NCAM2: variants seen among roughly 807,000 people sequenced by gnomAD.
The protein encoded by NCAM2 is neural cell adhesion molecule 2.
NCAM2 carries 30 observed loss-of-function variants against 98.1 expected under a neutral mutation model. That is an observed-to-expected ratio of 0.31 (90% CI 0.23 to 0.41). NCAM2 has a LOEUF of 0.41. NCAM2 is among the 10% of genes least tolerant of loss of function. NCAM2 has a pLI of 1.00. For missense variants in NCAM2, 867 were observed against 1,005.8 expected (o/e 0.86, Z 1.87); for synonymous variants, 368 against 342.4 (o/e 1.07, Z -0.83).
At chr21:21,226,334 T>G (rs374711264) in intron 1 of NCAM2, among the ~76,000 whole-genome samples, 3 of 152,016 alleles carry the variant, frequency 2.0e-5, no homozygotes, top group Admixed American at 1.3e-4. Context: ...TAAAATACTT[T>G]AGTTTTGGAT....
chr21:21,450,030 G>T (rs1980787311), intron 12 of NCAM2, among the ~76,000 whole-genome samples: 1 of 151,846 alleles, frequency 6.6e-6, no homozygotes, highest in Admixed American at 6.6e-5. Context: ...CTAATGCACT[G>T]CCTGATTTGC....
intron 11 of NCAM2, among the ~76,000 whole-genome samples, chr21:21,422,742 T>C (rs2077136453): frequency 6.6e-6 from 1 of 152,198 alleles, no homozygotes; most frequent in Middle Eastern, 3.2e-3. Flanking sequence ...TACGTATATA[T>C]TTTAAGACTT....
intron 12 of NCAM2, among the ~76,000 whole-genome samples, chr21:21,454,784 T>TA (rs1329479840): frequency 6.6e-6 from 1 of 151,970 alleles, no homozygotes; most frequent in Non-Finnish European, 1.5e-5. Context: ...GGCGGGCTTT[T>TA]AAAAAACCAG....
At chr21:21,328,180 G>T (rs959949474) in intron 6 of NCAM2, among the ~76,000 whole-genome samples, 3 of 151,948 alleles carry the variant, frequency 2.0e-5, no homozygotes, top group African/African-American at 7.3e-5. Context: ...TATTGACATC[G>T]CAGCCATCAT....
intron 8 of NCAM2, among the ~76,000 whole-genome samples, chr21:21,371,141 G>T (rs1220807302): frequency 3.3e-5 from 5 of 151,732 alleles, no homozygotes; most frequent in African/African-American, 1.2e-4. Context: ...GAACATTATT[G>T]CTAATAGTAA....
intron 14 of NCAM2, among the ~76,000 whole-genome samples, chr21:21,473,491 T>C (rs995836863): frequency 4.0e-5 from 6 of 150,752 alleles, no homozygotes; most frequent in Non-Finnish European, 8.9e-5. Flanking sequence ...GTCATGTAAA[T>C]ATGAATACCT....
At chr21:21,474,291 T>C (rs1984861630) in intron 14 of NCAM2, among the ~76,000 whole-genome samples, 1 of 152,102 alleles carries the variant, frequency 6.6e-6, no homozygotes, top group South Asian at 2.1e-4. Flanking sequence ...TTTGGTTTCT[T>C]ATACTATCAG....
intron 1 of NCAM2, among the ~76,000 whole-genome samples, chr21:21,251,960 A>G (rs542868468): frequency 6.6e-6 from 1 of 152,254 alleles, no homozygotes; most frequent in South Asian, 2.1e-4. Flanking sequence ...TGTTTTAATC[A>G]TGAAGTCATT....
chr21:21,422,991 T>C (rs2077141640), intron 11 of NCAM2, among the ~76,000 whole-genome samples: 1 of 152,162 alleles, frequency 6.6e-6, no homozygotes, highest in South Asian at 2.1e-4. Flanking sequence ...TTATTTCTTT[T>C]CTTAAAAAAT....
At chr21:21,528,898 A>T (rs1313823939) in intron 16 of NCAM2, among the ~76,000 whole-genome samples, 1 of 152,188 alleles carries the variant, frequency 6.6e-6, no homozygotes, top group South Asian at 2.1e-4. Context: ...ATATAATTAT[A>T]TAACTTCAAA....
chr21:21,149,054 C>G (rs544686610), intron 1 of NCAM2, among the ~76,000 whole-genome samples: 4 of 152,158 alleles, frequency 2.6e-5, no homozygotes, highest in African/African-American at 9.6e-5. Flanking sequence ...TTTCTGGACT[C>G]TGTTATGTTC....
At chr21:21,416,964 T>C (rs2077007175) in intron 10 of NCAM2, among the ~76,000 whole-genome samples, 1 of 152,020 alleles carries the variant, frequency 6.6e-6, no homozygotes, top group African/African-American at 2.4e-5. Context: ...TACAACATGA[T>C]AAAAGGTTGC....
At chr21:21,123,717 G>A (rs2066725095) in intron 1 of NCAM2, among the ~76,000 whole-genome samples, 1 of 151,902 alleles carries the variant, frequency 6.6e-6, no homozygotes, top group Non-Finnish European at 1.5e-5. Context: ...TATAAATTAG[G>A]TATTTATATT....
In NCAM2 at chr21:21,454,194, A is replaced by G. The variant is rs76267915; in HGVS notation, c.1655-12412A>G. Reference sequence around the variant, plus strand: ...TAAATTTTTCATGCATTAAACAACTAAAGCCTACAGTGTGCCAAGGCACTG... The same window carrying G: ...TAAATTTTTCATGCATTAAACAACTGAAGCCTACAGTGTGCCAAGGCACTG... On this transcript the variant is annotated intron_variant, in intron 12 of 17. Transcript: ENST00000400546. 3.4e-4 allele frequency among the ~76,000 whole-genome samples: 51 copies of G among 152,208 alleles called. No homozygotes were observed. In the East Asian group the frequency reaches 9.6e-3, roughly 29 times the overall value.
At chr21:21,412,881 A>G (rs2145928699) in intron 10 of NCAM2, among the ~76,000 whole-genome samples, 1 of 152,270 alleles carries the variant, frequency 6.6e-6, no homozygotes, top group Non-Finnish European at 1.5e-5. Context: ...TGCTTGAGAC[A>G]GTTACTTTTG....
chr21:21,092,103 G>A (rs2066024893), intron 1 of NCAM2, among the ~76,000 whole-genome samples: 1 of 152,022 alleles, frequency 6.6e-6, no homozygotes, highest in Non-Finnish European at 1.5e-5. Flanking sequence ...CTTGTACAAA[G>A]TTCTCCGTGA....
At chr21:21,466,787 G>A in intron 13 of NCAM2, 62 bp downstream of exon 13, 1 of 1,496,300 alleles carries the variant, frequency 6.7e-7, no homozygotes, top group Non-Finnish European at 9.1e-7. Flanking sequence ...AAATTTAATA[G>A]ATTTTAAAAT....
chr21:21,016,844 A>C (rs1429093992), intron 1 of NCAM2, among the ~76,000 whole-genome samples: 3 of 152,160 alleles, frequency 2.0e-5, no homozygotes, highest in Non-Finnish European at 4.4e-5. Flanking sequence ...GTTTGAACTC[A>C]GGCTTGCTTT....
At chr21:21,128,448 C>T (rs2066872089) in intron 1 of NCAM2, among the ~76,000 whole-genome samples, 1 of 152,054 alleles carries the variant, frequency 6.6e-6, no homozygotes, top group Non-Finnish European at 1.5e-5. Flanking sequence ...GTAGTGAACT[C>T]TGCATTTTGC....
Sources: allele counts gnomAD v4.1 joint callset (sites outside exome capture counted in the v4.1 genomes callset), GRCh38; gene constraint gnomAD v4.1.1; transcripts MANE v1.5; gene names NCBI Gene and HGNC (gene_info 2026-07-23, HGNC 2026-07-21).